Variants in NKAIN3 observed in about 807,000 individuals in gnomAD.
The protein encoded by NKAIN3 is sodium/potassium transporting ATPase interacting 3.
Under a neutral mutation model 30.2 loss-of-function variants are expected in NKAIN3, and 25 were observed. The observed-to-expected ratio is 0.83, with a 90% CI of 0.60 to 1.16. The LOEUF (loss-of-function observed/expected upper bound fraction) is 1.16. NKAIN3 is among the 50% of genes most tolerant of loss of function. The pLI is 0.00. For synonymous variants in NKAIN3, 91 were observed against 89.6 expected, an observed-to-expected ratio of 1.02 and a Z score of -0.09; for missense variants, 225 against 254.1, an observed-to-expected ratio of 0.89 and a Z score of 0.78.
At chr8:62,363,366 C>T (rs1816623892) in intron 1 of NKAIN3, among the ~76,000 whole-genome samples, 1 of 152,154 alleles carries the variant, frequency 6.6e-6, no homozygotes, top group Admixed American at 6.5e-5. Flanking sequence ...TTGTTATTCT[C>T]AGCTCAGATT....
At chr8:62,842,834 T>C (rs1055870693) in intron 4 of NKAIN3, among the ~76,000 whole-genome samples, 1 of 152,070 alleles carries the variant, frequency 6.6e-6, no homozygotes, top group African/African-American at 2.4e-5. Context: ...AATTAGACCC[T>C]TACCTTACAC....
At chr8:62,784,161 A>G (rs1817443428) in intron 4 of NKAIN3, among the ~76,000 whole-genome samples, 1 of 152,110 alleles carries the variant, frequency 6.6e-6, no homozygotes. Flanking sequence ...ACAGTTATAA[A>G]TGGACATATT....
intron 1 of NKAIN3, among the ~76,000 whole-genome samples, chr8:62,450,493 A>G (rs1169336490): frequency 1.3e-5 from 2 of 152,188 alleles, no homozygotes; most frequent in Admixed American, 1.3e-4. Flanking sequence ...AATAATAATT[A>G]CATAATTGCT....
intron 2 of NKAIN3, among the ~76,000 whole-genome samples, chr8:62,588,182 ACAC>A (rs1810537268): frequency 6.6e-6 from 1 of 151,868 alleles, no homozygotes; most frequent in Non-Finnish European, 1.5e-5. Flanking sequence ...AAGATATCAA[ACAC>A]TAGATGCCAT....
chr8:62,434,752 A>G (rs1805117196), intron 1 of NKAIN3, among the ~76,000 whole-genome samples: 1 of 152,152 alleles, frequency 6.6e-6, no homozygotes, highest in African/African-American at 2.4e-5. Flanking sequence ...TTGTGATTTG[A>G]AAAAAATGGT....
chr8:62,895,224 T>G (rs1821395935), intron 4 of NKAIN3, among the ~76,000 whole-genome samples: 1 of 152,218 alleles, frequency 6.6e-6, no homozygotes, highest in African/African-American at 2.4e-5. Context: ...GTCACATTGC[T>G]TTTAACTCTA....
intron 4 of NKAIN3, among the ~76,000 whole-genome samples, chr8:62,785,536 T>C (rs1817487858): frequency 6.6e-6 from 1 of 152,132 alleles, no homozygotes. Flanking sequence ...GCTCCGTGGA[T>C]ATACTAAAAA....
At chr8:62,817,776 G>A (rs1818729416) in intron 4 of NKAIN3, among the ~76,000 whole-genome samples, 1 of 152,042 alleles carries the variant, frequency 6.6e-6, no homozygotes, top group South Asian at 2.1e-4. Context: ...AGTATTTTTT[G>A]TGAAAGCACT....
intron 5 of NKAIN3, among the ~76,000 whole-genome samples, chr8:62,926,471 T>C (rs1290966377): frequency 5.9e-5 from 9 of 152,136 alleles, no homozygotes; most frequent in Non-Finnish European, 7.4e-5. Context: ...CCTCACAACG[T>C]CACATGTGAG....
chr8:62,390,423 C>T (rs913721862), intron 1 of NKAIN3, among the ~76,000 whole-genome samples: 3 of 152,140 alleles, frequency 2.0e-5, no homozygotes, highest in East Asian at 1.9e-4. Context: ...ATATGTACAA[C>T]ATTTTCTTTA....
chr8:62,659,361 GT>G (rs11297231), intron 3 of NKAIN3, among the ~76,000 whole-genome samples: 152,358 of 152,358 alleles, frequency 1, 76,179 homozygotes, highest in Non-Finnish European at 1. Flanking sequence ...GCACTTGCCA[GT>G]TTCTATATCA....
intron 1 of NKAIN3, among the ~76,000 whole-genome samples, chr8:62,279,754 C>T (rs1462395760): frequency 1.3e-5 from 2 of 152,166 alleles, no homozygotes; most frequent in South Asian, 2.1e-4. Flanking sequence ...GGTACCAGTA[C>T]CATGCTGTTT....
intron 4 of NKAIN3, among the ~76,000 whole-genome samples, chr8:62,795,782 C>T (rs2130681869): frequency 6.6e-6 from 1 of 152,098 alleles, no homozygotes; most frequent in South Asian, 2.1e-4. Context: ...ATCCTTAGGC[C>T]CAGAAAATCA....
intron 1 of NKAIN3, among the ~76,000 whole-genome samples, chr8:62,251,268 C>A (rs1213463760): frequency 6.6e-6 from 1 of 152,024 alleles, no homozygotes; most frequent in African/African-American, 2.4e-5. Flanking sequence ...CATTTAACAA[C>A]TGGATTGTAA....
Position 62,546,383 on chromosome 8 carries a change from T to A in NKAIN3, c.55-33156T>A, listed in dbSNP as rs141347796. On this transcript the variant is annotated intron_variant, in intron 1 of 6. Coordinates refer to ENST00000623646, the MANE Select transcript of NKAIN3 (RefSeq NM_001304533.3). ...GCAGAAGCCAGTTTCAGAGTTGCTA[T>A]GGCTGTTGCATTTCTGATCTCAGGA... Among the ~76,000 whole-genome samples, 63 of 152,316 alleles carry A rather than the reference T, an allele frequency of 4.1e-4. No homozygotes were observed. In the East Asian group the frequency reaches 0.012, roughly 28 times the overall value.
At chr8:62,424,020 C>A (rs1428857662) in intron 1 of NKAIN3, among the ~76,000 whole-genome samples, 10 of 151,866 alleles carry the variant, frequency 6.6e-5, no homozygotes, top group Non-Finnish European at 1.5e-4. Flanking sequence ...ATTTTGAAGG[C>A]TGAAGCAAAA....
chr8:62,335,432 C>CAAAAAAAAAAAA (rs5891845), intron 1 of NKAIN3, among the ~76,000 whole-genome samples: 1 of 82,210 alleles, frequency 1.2e-5, no homozygotes, highest in Non-Finnish European at 2.5e-5. Flanking sequence ...GACTCTGTCT[C>CAAAAAAAAAAAA]AAAAAAAAAA....
At position 62,976,715 on chromosome 8, in the gene NKAIN3, T is replaced by A. The variant is rs1465028342; in HGVS notation, c.*11308T>A. On this transcript the variant is annotated 3_prime_UTR_variant, in exon 7 of 7. Transcript: ENST00000623646. ...TTAATATTGTTATGTGTGAATTTGATTCTGTCATTATGATGATAGCTGGTT... is the reference window on the plus strand; with the variant it reads ...TTAATATTGTTATGTGTGAATTTGAATCTGTCATTATGATGATAGCTGGTT... 6.6e-6 allele frequency among the ~76,000 whole-genome samples: 1 copy of A among 152,232 alleles called. No homozygotes were observed. The highest frequency in any genetic ancestry group is 1.9e-4 in the East Asian group (1 of 5,192).
intron 5 of NKAIN3, among the ~76,000 whole-genome samples, chr8:62,929,276 T>C (rs927534149): frequency 6.6e-6 from 1 of 152,160 alleles, no homozygotes; most frequent in Admixed American, 6.5e-5. Flanking sequence ...AGAGACTGCA[T>C]TGTAAATCCC....
Sources: gnomAD v4.1 joint callset for allele counts (sites outside exome capture counted in the v4.1 genomes callset) on GRCh38, gnomAD v4.1.1 for gene constraint, MANE v1.5 for transcripts, NCBI Gene and HGNC (gene_info 2026-07-23, HGNC 2026-07-21) for gene names.